Variants in MTF2 observed in about 807,000 individuals in gnomAD.
MTF2 encodes metal response element binding transcription factor 2.
MTF2 carries 11 observed loss-of-function variants against 79.5 expected under a neutral mutation model. The observed-to-expected ratio is 0.14, with a 90% CI of 0.09 to 0.23. The LOEUF (loss-of-function observed/expected upper bound fraction) is 0.23. Among genes scored for constraint, MTF2 ranks in the 10% least tolerant of loss-of-function variants. The pLI is 1.00. For synonymous variants in MTF2, 208 were observed against 232.8 expected (o/e 0.89, Z 0.97); for missense variants, 486 against 711.2 (o/e 0.68, Z 3.60).
intron 1 of MTF2, among the ~76,000 whole-genome samples, chr1:93,106,540 A>G (rs1655797802): frequency 6.8e-6 from 1 of 146,590 alleles, no homozygotes; most frequent in African/African-American, 2.6e-5. Context: ...TTTTTTTGAG[A>G]CAGACTTTTG....
intron 9 of MTF2, among the ~76,000 whole-genome samples, chr1:93,124,198 T>C (rs761614452): frequency 6.6e-5 from 10 of 152,202 alleles, no homozygotes; most frequent in Middle Eastern, 3.4e-3. Flanking sequence ...TGGTACCTAA[T>C]GATTATCATA....
intron 1 of MTF2, among the ~76,000 whole-genome samples, chr1:93,090,116 A>G (rs888525344): frequency 6.6e-6 from 1 of 152,086 alleles, no homozygotes; most frequent in African/African-American, 2.4e-5. Context: ...AGCTGGGACT[A>G]CAGGCACCCG....
chr1:93,109,423 T>G (rs1358591178), intron 1 of MTF2, among the ~76,000 whole-genome samples: 1 of 152,140 alleles, frequency 6.6e-6, no homozygotes, highest in Non-Finnish European at 1.5e-5. Context: ...AACCTCCGCC[T>G]CCTGGGTTCA....
At chr1:93,114,537 G>A (rs926059354) in intron 3 of MTF2, 151 bp from the exon 4 acceptor site, 4 of 534,842 alleles carry the variant, frequency 7.5e-6, no homozygotes, top group African/African-American at 5.8e-5. Flanking sequence ...ACAGAGAGCA[G>A]AGAGATACCA....
At chr1:93,130,903 T>C (rs2101092867) in intron 11 of MTF2, among the ~76,000 whole-genome samples, 1 of 152,244 alleles carries the variant, frequency 6.6e-6, no homozygotes, top group East Asian at 1.9e-4. Flanking sequence ...TGAAGCATTC[T>C]TCTGTTTCAT....
At chr1:93,095,056 G>A (rs1009586762) in intron 1 of MTF2, among the ~76,000 whole-genome samples, 2 of 152,040 alleles carry the variant, frequency 1.3e-5, no homozygotes, top group African/African-American at 4.8e-5. Flanking sequence ...CTGTTACCCA[G>A]GCTGGAATAC....
intron 14 of MTF2, among the ~76,000 whole-genome samples, chr1:93,135,052 C>T (rs1205355987): frequency 6.6e-6 from 1 of 152,272 alleles, no homozygotes; most frequent in East Asian, 1.9e-4. Context: ...TCACTGCAAC[C>T]TCCGCCTCCT....
intron 1 of MTF2, among the ~76,000 whole-genome samples, chr1:93,100,140 A>G (rs1655465052): frequency 6.6e-6 from 1 of 152,198 alleles, no homozygotes; most frequent in Non-Finnish European, 1.5e-5. Flanking sequence ...GTACCTTCAG[A>G]AGGCATAGTT....
intron 1 of MTF2, among the ~76,000 whole-genome samples, chr1:93,087,571 C>CA (rs5776168): frequency 0.8 from 108,246 of 135,444 alleles, 44,729 homozygotes; most frequent in East Asian, 0.93. Flanking sequence ...GACTCTGTCT[C>CA]AAAAAAAAAA....
At chr1:93,090,846 G>A (rs1039449162) in intron 1 of MTF2, among the ~76,000 whole-genome samples, 4 of 151,772 alleles carry the variant, frequency 2.6e-5, no homozygotes, top group African/African-American at 9.7e-5. Context: ...TGTATTTTTA[G>A]TAGAGATGGG....
chr1:93,128,091 T>C (rs996386223), intron 10 of MTF2, among the ~76,000 whole-genome samples: 1 of 152,064 alleles, frequency 6.6e-6, no homozygotes, highest in Non-Finnish European at 1.5e-5. Context: ...CCTTGAAGTA[T>C]AATAAAAAGG....
chr1:93,118,948 G>A (rs1656359491), intron 7 of MTF2, among the ~76,000 whole-genome samples: 2 of 152,220 alleles, frequency 1.3e-5, no homozygotes, highest in Admixed American at 1.3e-4. Flanking sequence ...TCTGACCTTA[G>A]GGAAGTTCAC....
At chr1:93,127,329 G>A in intron 10 of MTF2, 30 bp downstream of exon 10, 1 of 1,352,816 alleles carries the variant, frequency 7.4e-7, no homozygotes, top group Non-Finnish European at 1.1e-6. Flanking sequence ...GTATCCCTAT[G>A]AGGGAGACAT....
In MTF2 at chr1:93,136,917, G is replaced by A. The variant is rs1276331915; in HGVS notation, c.1672G>A (p.Ala558Thr). ...LKNSITSYFG[A>T]AGRIACGEKY... ...GAACTCCATTACCAGTTATTTTGGTGCTGCAGGTAGAATAGCATGTGGCGA... is the reference window on the plus strand; with the variant it reads ...GAACTCCATTACCAGTTATTTTGGTACTGCAGGTAGAATAGCATGTGGCGA... The change falls in exon 15 of 15, where the codon GCT (alanine) becomes ACT (threonine). Residue 558 changes from alanine (A) to threonine (T), a missense_variant. Ala to Thr is a moderately conservative substitution (Grantham distance 58). Transcript: ENST00000370298. The A allele has an allele frequency of 6.2e-7, 1 of 1,614,006 alleles. No individual in the cohort carries two copies. Among genetic ancestry groups the A allele is most frequent in the African/African-American group, 1.3e-5 (1 of 74,912 alleles).
Position 93,133,787 on chromosome 1 carries a change from A to C in MTF2, c.1245A>C (p.Gln415His). The change falls in exon 12 of 15, where the codon CAA (glutamine) becomes CAC (histidine). Residue 415 changes from glutamine (Q) to histidine (H), a missense_variant. Gln to His is a conservative substitution (Grantham distance 24). Around this residue, in one of 4 missense-constraint regions of MTF2, gnomAD observed 209 missense variants for 206.5 expected, o/e 1.01. Coordinates refer to ENST00000370298, the MANE Select transcript of MTF2 (RefSeq NM_007358.4). ...GCCCATATACAAGAAAAATGATTCA[A>C]AAAACTGCTGAGCCACTTTTGGTAA... ...PPGPYTRKMIQKTAEPLLDKE... is the reference protein window; with the variant it reads ...PPGPYTRKMIHKTAEPLLDKE... 2 of 1,610,544 alleles carry C rather than the reference A, an allele frequency of 1.2e-6. No homozygotes were observed. The highest frequency in any genetic ancestry group is 1.7e-5 in the Admixed American group (1 of 59,876).
chr1:93,132,047 A>G (rs1177705559), intron 11 of MTF2, among the ~76,000 whole-genome samples: 2 of 150,864 alleles, frequency 1.3e-5, no homozygotes, highest in African/African-American at 4.9e-5. Context: ...TCTTGGAGAT[A>G]AGGAAATTGA....
chr1:93,102,795 A>C (rs556921199), intron 1 of MTF2, among the ~76,000 whole-genome samples: 2 of 152,160 alleles, frequency 1.3e-5, no homozygotes, highest in South Asian at 4.1e-4. Flanking sequence ...TACACATATG[A>C]GGATGGGGGG....
rs773441104 is a variant in MTF2 at position 93,134,158 on chromosome 1, A to C, written c.1387A>C (p.Lys463Gln). The change falls in exon 14 of 15, where the codon AAA becomes CAA. Residue 463 changes from lysine to glutamine, a missense_variant. Coordinates refer to ENST00000370298, the MANE Select transcript of MTF2 (RefSeq NM_007358.4). ...GGATTTCACGGGTGCTTCCAGTGCA[A>C]AAGAAACTACCTCGTCTAGCATTTC... ...DVDFTGASSA[K>Q]ETTSSSISRH... 3.7e-6 allele frequency: 6 copies of C among 1,613,222 alleles called. No homozygotes were observed. Among genetic ancestry groups the C allele is most frequent in the Non-Finnish European group, 5.1e-6 (6 of 1,179,472 alleles).
intron 1 of MTF2, among the ~76,000 whole-genome samples, chr1:93,100,939 G>A (rs1197011851): frequency 6.6e-6 from 1 of 152,102 alleles, no homozygotes; most frequent in East Asian, 1.9e-4. Flanking sequence ...ACTTTTCTTA[G>A]GTTATATTAT....
Sources: allele counts gnomAD v4.1 joint callset (sites outside exome capture counted in the v4.1 genomes callset), GRCh38; gene constraint gnomAD v4.1.1; regional missense constraint gnomAD v4.1.1; transcripts MANE v1.5; gene names NCBI Gene and HGNC (gene_info 2026-07-23, HGNC 2026-07-21).